Variants in FBXO34 observed in about 807,000 individuals in gnomAD.
The protein encoded by FBXO34 is F-box protein 34.
Under a neutral mutation model 24.5 loss-of-function variants are expected in FBXO34, and 12 were observed. The observed-to-expected ratio is 0.49, with a 90% CI of 0.31 to 0.79. The LOEUF is 0.79. Ranked by LOEUF, FBXO34 falls within the 30% of genes least tolerant of loss-of-function variation. The pLI, the probability that FBXO34 is intolerant of heterozygous loss-of-function variation, is 0.04. For missense variants in FBXO34, 823 were observed against 857.7 expected, an observed-to-expected ratio of 0.96 and a Z score of 0.51; for synonymous variants, 320 against 311.9, an observed-to-expected ratio of 1.03 and a Z score of -0.27.
At chr14:55,350,336 A>G (rs925950516) in intron 1 of FBXO34, 45 bp from the exon 2 acceptor site, 50 of 1,416,006 alleles carry the variant, frequency 3.5e-5, no homozygotes, top group Non-Finnish European at 4.4e-5. Flanking sequence ...TTTTTTCTAA[A>G]AACAAAATTG....
chr14:55,377,859 G>T, the FBXO34 span: 4 of 1,603,234 alleles, frequency 2.5e-6, no homozygotes, highest in Non-Finnish European at 3.4e-6. Flanking sequence ...AGGTACATTA[G>T]ATTCCTGAGG....
the FBXO34 span, among the ~76,000 whole-genome samples, chr14:55,389,157 T>C: frequency 1.3e-5 from 2 of 152,206 alleles, no homozygotes; most frequent in Admixed American, 6.5e-5. Context: ...TTTTTGTTTT[T>C]GGGAGTTAGG....
At chr14:55,285,905 G>A (rs967509834) in intron 1 of FBXO34, among the ~76,000 whole-genome samples, 3 of 152,158 alleles carry the variant, frequency 2.0e-5, no homozygotes, top group African/African-American at 4.8e-5. Flanking sequence ...TCTTGCATAA[G>A]TCCCTTAAGG....
intron 1 of FBXO34, among the ~76,000 whole-genome samples, chr14:55,341,834 A>G (rs1423914851): frequency 6.6e-6 from 1 of 152,210 alleles, no homozygotes; most frequent in Non-Finnish European, 1.5e-5. Context: ...TAACTTAAAC[A>G]TCATTAAGTT....
At chr14:55,388,393 T>C in the FBXO34 span, among the ~76,000 whole-genome samples, 2 of 152,186 alleles carry the variant, frequency 1.3e-5, no homozygotes, top group East Asian at 1.9e-4. Flanking sequence ...CTGCACCCAG[T>C]GCAGACTCAG....
chr14:55,345,366 T>G (rs1024181483), intron 1 of FBXO34, among the ~76,000 whole-genome samples: 4 of 152,164 alleles, frequency 2.6e-5, no homozygotes, highest in African/African-American at 9.7e-5. Context: ...TAGACTCTCT[T>G]TATTTCCCAC....
intron 1 of FBXO34, among the ~76,000 whole-genome samples, chr14:55,293,575 G>A (rs1027018386): frequency 2.0e-5 from 3 of 152,000 alleles, no homozygotes; most frequent in Non-Finnish European, 4.4e-5. Context: ...CACTTATCTG[G>A]AGGTAAGATT....
At chr14:55,332,444 TTCA>T (rs1314569354) in intron 1 of FBXO34, among the ~76,000 whole-genome samples, 2 of 152,216 alleles carry the variant, frequency 1.3e-5, no homozygotes, top group Non-Finnish European at 2.9e-5. Flanking sequence ...CTATCACCTC[TTCA>T]TAAGATCCCA....
downstream of FBXO34, among the ~76,000 whole-genome samples, chr14:55,364,116 A>G (rs886156054): frequency 1.3e-5 from 2 of 151,526 alleles, no homozygotes; most frequent in Non-Finnish European, 1.5e-5. Context: ...ATGCCTGGCT[A>G]ATTTTGTATT....
At chr14:55,437,687 ATTATT>A in the FBXO34 span, among the ~76,000 whole-genome samples, 5 of 152,362 alleles carry the variant, frequency 3.3e-5, no homozygotes, top group Admixed American at 6.5e-5. Context: ...GATATACTGT[ATTATT>A]TAAGTTAATT....
downstream of FBXO34, among the ~76,000 whole-genome samples, chr14:55,372,052 C>T (rs1884830923): frequency 6.6e-6 from 1 of 152,092 alleles, no homozygotes; most frequent in Non-Finnish European, 1.5e-5. Context: ...AACAGTTCTA[C>T]TCTAGAGCCA....
the FBXO34 span, among the ~76,000 whole-genome samples, chr14:55,429,898 C>T: frequency 6.6e-6 from 1 of 151,492 alleles, no homozygotes; most frequent in African/African-American, 2.4e-5. Flanking sequence ...GTTCTTGAGT[C>T]TTTATTGGAC....
intron 1 of FBXO34, among the ~76,000 whole-genome samples, chr14:55,306,218 A>G (rs1348582545): frequency 6.6e-6 from 1 of 152,260 alleles, no homozygotes; most frequent in African/African-American, 2.4e-5. Flanking sequence ...CATTATGATT[A>G]GGGAAAATGG....
intron 1 of FBXO34, among the ~76,000 whole-genome samples, chr14:55,326,752 A>G (rs966467559): frequency 6.6e-6 from 1 of 152,226 alleles, no homozygotes; most frequent in African/African-American, 2.4e-5. Context: ...AGAGCATTAC[A>G]TTTTATTTTT....
chr14:55,333,064 T>C (rs539993189), intron 1 of FBXO34, among the ~76,000 whole-genome samples: 5 of 152,360 alleles, frequency 3.3e-5, no homozygotes, highest in Middle Eastern at 6.8e-3. Flanking sequence ...GTGTTTTCTC[T>C]TTCTAGTGGG....
At chr14:55,405,489 GTC>G in the FBXO34 span, among the ~76,000 whole-genome samples, 2 of 152,260 alleles carry the variant, frequency 1.3e-5, no homozygotes, top group South Asian at 2.1e-4. Flanking sequence ...CATACAATTT[GTC>G]TCTCTTTTTA....
At chr14:55,323,987 A>G (rs1037454647) in intron 1 of FBXO34, among the ~76,000 whole-genome samples, 6 of 152,128 alleles carry the variant, frequency 3.9e-5, no homozygotes, top group African/African-American at 1.4e-4. Context: ...TGTATTCACA[A>G]AGTTGTGCAC....
At chr14:55,375,493 T>A in the FBXO34 span, among the ~76,000 whole-genome samples, 677 of 132,220 alleles carry the variant, frequency 5.1e-3, 12 homozygotes, top group African/African-American at 0.022. Flanking sequence ...GGGCTAAATT[T>A]TTTTTTTTTT....
At chr14:55,323,221 ATATAT>A (rs1406247570) in intron 1 of FBXO34, among the ~76,000 whole-genome samples, 5 of 29,960 alleles carry the variant, frequency 1.7e-4, no homozygotes, top group Admixed American at 7.6e-4. Flanking sequence ...AAAAAAAAAT[ATATAT>A]TTTTTTTTTT....
Sources: allele counts gnomAD v4.1 joint callset (sites outside exome capture counted in the v4.1 genomes callset), GRCh38; gene constraint gnomAD v4.1.1; transcripts MANE v1.5; gene names NCBI Gene and HGNC (gene_info 2026-07-23, HGNC 2026-07-21).